Variants in PTPRN2 observed in about 807,000 individuals in gnomAD.
PTPRN2 encodes receptor-type tyrosine-protein phosphatase N2.
PTPRN2 carries 74 observed loss-of-function variants against 118.8 expected under a neutral mutation model. That is an observed-to-expected ratio of 0.62 (90% confidence interval 0.52 to 0.76). The LOEUF (loss-of-function observed/expected upper bound fraction) is 0.76. PTPRN2 is among the 30% of genes least tolerant of loss of function. The pLI, the probability that PTPRN2 is intolerant of heterozygous loss-of-function variation, is 0.00. For missense variants in PTPRN2, 1,481 were observed against 1,394.4 expected (o/e 1.06, Z -0.99); for synonymous variants, 641 against 608.0 (o/e 1.05, Z -0.80).
Position 157,674,913 on chromosome 7 carries a change from C to T in PTPRN2, c.2001+7812G>A, listed in dbSNP as rs1271798427. ...CGAGGCTTCTTCTCCTTGCCAACAA[C>T]GATGCCCTCCTCCCGAGGGACGGTG... is the stretch of plus-strand genomic sequence containing the variant. On this transcript the variant is annotated intron_variant, in intron 13 of 22. Transcript: ENST00000389418. The surrounding 1 kb of genome is among the most constrained non-coding windows in gnomAD (Gnocchi z 4.5). Among the ~76,000 whole-genome samples the T allele has an allele frequency of 5.9e-5, 9 of 152,274 alleles. No homozygotes were observed. The highest frequency in any genetic ancestry group is 2.1e-4 in the South Asian group (1 of 4,830).
chr7:157,675,027 C>CCT (rs1796598485), intron 13 of PTPRN2, among the ~76,000 whole-genome samples: 1 of 152,186 alleles, frequency 6.6e-6, no homozygotes, highest in Non-Finnish European at 1.5e-5. Flanking sequence ...GTGGGACTTG[C>CCT]CTCTTGCTCA....
rs1803639201 is a variant in PTPRN2 at position 157,780,877 on chromosome 7, A to G, written c.1789-97940T>C. On this transcript the variant is annotated intron_variant, in intron 12 of 22. Transcript: ENST00000389418. The surrounding 1 kb of genome is among the most constrained non-coding windows in gnomAD (Gnocchi z 4.5). ...TCAGGACAGAATACTCACTAACCAA[A>G]GGTCGGTTTCACTTCTCTCCTCAGT... 6.6e-6 allele frequency among the ~76,000 whole-genome samples: 1 copy of G among 152,122 alleles called. No individual in the cohort carries two copies. The highest frequency in any genetic ancestry group is 2.1e-4 in the South Asian group (1 of 4,818).
At chr7:157,923,575 A>T (rs1178862991) in intron 11 of PTPRN2, among the ~76,000 whole-genome samples, 3 of 152,194 alleles carry the variant, frequency 2.0e-5, no homozygotes, top group Admixed American at 6.5e-5. Context: ...GACTTTGCTC[A>T]AATTATTTGG....
At chr7:158,299,300 A>AT (rs35390191) in intron 3 of PTPRN2, among the ~76,000 whole-genome samples, 86,085 of 144,086 alleles carry the variant, frequency 0.6, 26,271 homozygotes, top group Non-Finnish European at 0.69. Context: ...TCAGGAAGCA[A>AT]TTTTTTTTTT....
intron 15 of PTPRN2, among the ~76,000 whole-genome samples, chr7:157,604,961 A>C (rs1801914121): frequency 6.6e-6 from 1 of 151,978 alleles, no homozygotes; most frequent in Admixed American, 6.6e-5. Flanking sequence ...GCACCTCCCA[A>C]CTCCCTGGTG....
chr7:158,316,855 G>C lies in PTPRN2; in HGVS notation c.241C>G (p.Arg81Gly). 1 of 1,610,330 alleles carries C rather than the reference G, an allele frequency of 6.2e-7. No homozygotes were observed. Among genetic ancestry groups the C allele is most frequent in the Non-Finnish European group, 8.5e-7 (1 of 1,179,824 alleles). The change falls in exon 3 of 23, where the codon CGC becomes GGC. Residue 81 changes from arginine (R) to glycine (G), a missense_variant. Physicochemically the swap from Arg to Gly is moderately radical, Grantham distance 125. Coordinates refer to ENST00000389418, the MANE Select transcript of PTPRN2 (RefSeq NM_002847.5). ...RYEVSPVALQ[R>G]LRVALQKLSG... is the part of the protein sequence containing the mutation. ...AGCTTCTGCAACGCCACGCGCAGGC[G>C]CTGCAGGGCCACGGGCGACACCTCG...
chr7:157,697,552 C>T (rs1797855562), intron 12 of PTPRN2, among the ~76,000 whole-genome samples: 1 of 141,488 alleles, frequency 7.1e-6, no homozygotes, highest in African/African-American at 2.7e-5. Flanking sequence ...AGAGCCCTCA[C>T]CATCTACCCA....
intron 2 of PTPRN2, among the ~76,000 whole-genome samples, chr7:158,395,828 C>T (rs1812437645): frequency 6.8e-6 from 1 of 146,204 alleles, no homozygotes; most frequent in African/African-American, 2.5e-5. Context: ...GGGCTCCCGG[C>T]CTGCGCCGCC....
intron 14 of PTPRN2, among the ~76,000 whole-genome samples, chr7:157,634,832 C>T (rs1238010133): frequency 6.6e-6 from 1 of 152,202 alleles, no homozygotes; most frequent in Admixed American, 6.5e-5. Context: ...TTTGAGAAAA[C>T]CAGAATTTTT....
At chr7:157,855,427 A>T (rs1661268913) in intron 12 of PTPRN2, among the ~76,000 whole-genome samples, 1 of 152,182 alleles carries the variant, frequency 6.6e-6, no homozygotes, top group African/African-American at 2.4e-5. Context: ...GGAGCACGAA[A>T]CCTCTGGGGA....
At chr7:158,075,929 G>A (rs764670273) in intron 11 of PTPRN2, among the ~76,000 whole-genome samples, 29 of 152,302 alleles carry the variant, frequency 1.9e-4, no homozygotes, top group Admixed American at 7.8e-4. Context: ...ACCTGGAGCC[G>A]GGCTGCCCAG....
At chr7:158,207,029 A>G (rs1176659931) in intron 3 of PTPRN2, among the ~76,000 whole-genome samples, 3 of 142,700 alleles carry the variant, frequency 2.1e-5, no homozygotes, top group Admixed American at 7.1e-5. Flanking sequence ...TCATTGTTCA[A>G]TTCCCGCCTA....
rs186523411 is a variant in PTPRN2 at position 158,413,401 on chromosome 7, A to C, written c.163+76334T>G. On this transcript the variant is annotated intron_variant, in intron 2 of 22. Transcript: ENST00000389418. ...TCTGAACCCGAATGCACACAAAAAAATAAAACATTGTCTTTAAGGAAATAA... is the reference window on the plus strand; with the variant it reads ...TCTGAACCCGAATGCACACAAAAAACTAAAACATTGTCTTTAAGGAAATAA... 1.2e-4 allele frequency among the ~76,000 whole-genome samples: 19 copies of C among 152,402 alleles called. 1 individual carries two copies. Among genetic ancestry groups the C allele is most frequent in the Admixed American group, 1.1e-3 (17 of 15,312 alleles).
intron 5 of PTPRN2, among the ~76,000 whole-genome samples, chr7:158,182,478 C>G (rs549745177): frequency 1.5e-4 from 23 of 152,234 alleles, no homozygotes; most frequent in African/African-American, 5.5e-4. Flanking sequence ...CCACTCTCCC[C>G]CCAACCCTCA....
chr7:158,283,878 T>C, intron 3 of PTPRN2, among the ~76,000 whole-genome samples: 1 of 152,062 alleles, frequency 6.6e-6, no homozygotes, highest in East Asian at 1.9e-4. Context: ...ACCACGTCGT[T>C]CAGAATCGCC....
At chr7:157,995,669 T>C (rs936695426) in intron 11 of PTPRN2, among the ~76,000 whole-genome samples, 1 of 152,254 alleles carries the variant, frequency 6.6e-6, no homozygotes, top group Non-Finnish European at 1.5e-5. Context: ...GCAAAGGGCA[T>C]GGGCAGCCTG....
intron 12 of PTPRN2, among the ~76,000 whole-genome samples, chr7:157,837,670 C>T (rs76403782): frequency 0.02 from 3,053 of 152,276 alleles, 48 homozygotes; most frequent in Non-Finnish European, 0.033. Context: ...ATCCAGCCCC[C>T]GCAGGGCAGG....
At chr7:158,374,146 G>A (rs375625091) in intron 2 of PTPRN2, among the ~76,000 whole-genome samples, 9 of 152,146 alleles carry the variant, frequency 5.9e-5, no homozygotes, top group African/African-American at 9.7e-5. Context: ...CATCCCCACC[G>A]CAAACAGAGG....
At chr7:157,959,096 T>C (rs1385186254) in intron 11 of PTPRN2, among the ~76,000 whole-genome samples, 1 of 152,244 alleles carries the variant, frequency 6.6e-6, no homozygotes, top group Non-Finnish European at 1.5e-5. Flanking sequence ...ACAAATGCTT[T>C]TTGACAATTG....
Sources: gnomAD v4.1 joint callset for allele counts (sites outside exome capture counted in the v4.1 genomes callset) on GRCh38, gnomAD v4.1.1 for gene constraint, Gnocchi (gnomAD v3.1) non-coding constraint, MANE v1.5 for transcripts, NCBI Gene and HGNC (gene_info 2026-07-23, HGNC 2026-07-21) for gene names.